The following NKIRAS1 variants were observed in gnomAD, a reference collection of about 807,000 sequenced individuals.
NKIRAS1 encodes the protein NF-kappa-B inhibitor-interacting Ras-like protein 1.
Under a neutral mutation model 19.8 loss-of-function variants are expected in NKIRAS1, and 16 were observed. That is an observed-to-expected ratio of 0.81 (90% CI 0.55 to 1.23). NKIRAS1 has a LOEUF of 1.23. Among genes scored for constraint, NKIRAS1 ranks in the 50% most tolerant of loss-of-function variants. The pLI, the probability that NKIRAS1 is intolerant of heterozygous loss-of-function variation, is 0.00. For synonymous variants in NKIRAS1, 88 were observed against 79.0 expected (o/e 1.11, Z -0.61); for missense variants, 184 against 220.0 (o/e 0.84, Z 1.04).
At chr3:23,931,935 G>A (rs1559515877) in intron 1 of NKIRAS1, among the ~76,000 whole-genome samples, 1 of 152,250 alleles carries the variant, frequency 6.6e-6, no homozygotes, top group Non-Finnish European at 1.5e-5. Context: ...CTGGAGCAAT[G>A]ATGCTTATTA....
upstream of NKIRAS1, chr3:23,921,013 A>G (rs1227328153): frequency 6.5e-6 from 1 of 154,752 alleles, no homozygotes; most frequent in African/African-American, 2.4e-5. Context: ...TGCATGAATT[A>G]GGTTTTTATC....
chr3:23,894,509 G>C (rs987414546), intron 4 of NKIRAS1, among the ~76,000 whole-genome samples: 2 of 151,978 alleles, frequency 1.3e-5, no homozygotes, highest in Non-Finnish European at 2.9e-5. Flanking sequence ...ATCACCCAGG[G>C]TTTCATCTTC....
intron 1 of NKIRAS1, 21 bp downstream of exon 1, chr3:23,916,763 C>G (rs1704566120): frequency 6.5e-6 from 1 of 152,698 alleles, no homozygotes; most frequent in East Asian, 1.9e-4. Context: ...AGGGGGAGAG[C>G]CCGCGGTGCG....
intron 3 of NKIRAS1, among the ~76,000 whole-genome samples, chr3:23,903,665 G>A (rs1029975557): frequency 1.3e-5 from 2 of 151,978 alleles, no homozygotes; most frequent in African/African-American, 4.8e-5. Context: ...ACCAAAAAGT[G>A]GTACAAAAAT....
rs112291188 is a variant in NKIRAS1 at position 23,908,846 on chromosome 3, C to CT, written c.94+1964dup. ...GCCCACCTGGATAATTTCTTTCTTT[C>CT]TTTTTTTTTTTTTTCTTTTTTTCAT... is the stretch of plus-strand genomic sequence containing the variant. On this transcript the variant is annotated intron_variant, in intron 3 of 4. Coordinates refer to ENST00000425478, the MANE Select transcript of NKIRAS1 (RefSeq NM_020345.4). 3.1e-3 allele frequency among the ~76,000 whole-genome samples: 433 copies of CT among 141,912 alleles called. 1 individual carries two copies. The highest frequency in any genetic ancestry group is 7.4e-3 in the African/African-American group (287 of 38,706). 93.1% of individuals were successfully genotyped at this position (141,912 alleles called of 152,430 possible). A position where few individuals can be genotyped will look rare whatever the true frequency, so the allele number is the denominator to read the frequency against.
chr3:23,915,183 A>G (rs963817793), intron 1 of NKIRAS1, among the ~76,000 whole-genome samples: 2 of 152,206 alleles, frequency 1.3e-5, no homozygotes, highest in Non-Finnish European at 2.9e-5. Context: ...GTGTCTTTAT[A>G]AGAGACACAC....
chr3:23,897,001 T>A (rs1702058053), intron 4 of NKIRAS1, among the ~76,000 whole-genome samples: 1 of 151,872 alleles, frequency 6.6e-6, no homozygotes, highest in Non-Finnish European at 1.5e-5. Context: ...AAGCCAGGAG[T>A]TGGGAGACCA....
At chr3:23,939,832 A>G (rs1425560695) in intron 1 of NKIRAS1, among the ~76,000 whole-genome samples, 4 of 152,250 alleles carry the variant, frequency 2.6e-5, no homozygotes, top group African/African-American at 4.8e-5. Context: ...AAACAACTGT[A>G]TTCCATTAAA....
At chr3:23,937,493 C>T (rs553106356) in intron 1 of NKIRAS1, among the ~76,000 whole-genome samples, 1 of 151,156 alleles carries the variant, frequency 6.6e-6, no homozygotes, top group Admixed American at 6.6e-5. Flanking sequence ...ATTTGTGAGT[C>T]AGCAATATAT....
intron 1 of NKIRAS1, among the ~76,000 whole-genome samples, chr3:23,937,061 A>G (rs987226300): frequency 2.0e-5 from 3 of 152,218 alleles, no homozygotes; most frequent in African/African-American, 4.8e-5. Context: ...TGGGTCTCTA[A>G]GTCTCCTCTA....
rs1705206554 is a variant in NKIRAS1 at position 23,926,074 on chromosome 3, A to G, written c.-139-14624T>C. 1.3e-5 allele frequency among the ~76,000 whole-genome samples: 2 copies of G among 152,070 alleles called. No individual in the cohort carries two copies. The highest frequency in any genetic ancestry group is 4.1e-4 in the South Asian group (2 of 4,830). ...TATTTATTTATTTATTTTTTGAGAC[A>G]GCGTCTTGCTCTGTCGCCCAGGCTG... On this transcript the variant is annotated intron_variant, in intron 1 of 4. Transcript: ENST00000421515. This position sits in a 1 kb window ranked among gnomAD's most constrained non-coding sequence, Gnocchi z 4.3.
intron 1 of NKIRAS1, among the ~76,000 whole-genome samples, chr3:23,944,164 T>C (rs115651038): frequency 2.0e-5 from 3 of 152,268 alleles, no homozygotes; most frequent in Admixed American, 6.5e-5. Context: ...AATAAAAGGC[T>C]GTGAGAGTGT....
At chr3:23,925,412 T>C (rs374905591) in intron 1 of NKIRAS1, among the ~76,000 whole-genome samples, 2 of 152,122 alleles carry the variant, frequency 1.3e-5, no homozygotes, top group African/African-American at 2.4e-5. Flanking sequence ...GGCAGGCGGA[T>C]TGCTTGAGCT....
upstream of NKIRAS1, chr3:23,921,920 G>C: frequency 3.1e-6 from 1 of 325,680 alleles, no homozygotes; most frequent in South Asian, 6.2e-5. Flanking sequence ...TGTTGCCCAG[G>C]TTGGTCTCAA....
chr3:23,910,989 T>C (rs1054506498), intron 2 of NKIRAS1, 68 bp from the exon 3 acceptor site: 25 of 1,201,196 alleles, frequency 2.1e-5, no homozygotes, highest in Middle Eastern at 3.9e-4. Context: ...TTTCTTTCAG[T>C]ATTTCAATTT....
upstream of NKIRAS1, chr3:23,920,815 T>A (rs1049281793): frequency 4.3e-6 from 4 of 941,016 alleles, no homozygotes; most frequent in Non-Finnish European, 5.1e-6. Flanking sequence ...GTTGTTCAAC[T>A]GAAGGAATAA....
At chr3:23,938,755 A>G (rs999263394) in intron 1 of NKIRAS1, among the ~76,000 whole-genome samples, 1 of 152,164 alleles carries the variant, frequency 6.6e-6, no homozygotes, top group Non-Finnish European at 1.5e-5. Context: ...TTCATGCCAC[A>G]TGTCTTCTGA....
chr3:23,896,282 C>A (rs554519507), intron 4 of NKIRAS1, among the ~76,000 whole-genome samples: 2 of 151,374 alleles, frequency 1.3e-5, no homozygotes, highest in East Asian at 4.0e-4. Context: ...CCCTCATCAT[C>A]AATTTTCTCC....
chr3:23,893,467 T>C (rs1035591861), intron 4 of NKIRAS1, 130 bp from the exon 5 acceptor site: 60 of 782,188 alleles, frequency 7.7e-5, no homozygotes, highest in Non-Finnish European at 1.2e-4. Context: ...CAAGTGTGAC[T>C]GGATATTAGG....
Sources: gnomAD v4.1 joint callset for allele counts (sites outside exome capture counted in the v4.1 genomes callset) on GRCh38, gnomAD v4.1.1 for gene constraint, Gnocchi (gnomAD v3.1) non-coding constraint, MANE v1.5 for transcripts, NCBI Gene and HGNC (gene_info 2026-07-23, HGNC 2026-07-21) for gene names.